Variants in SETD2 observed in about 807,000 individuals in gnomAD.
SETD2 encodes histone-lysine N-methyltransferase SETD2.
A neutral mutation model predicts 242.1 loss-of-function variants in SETD2; 31 were observed. The observed-to-expected ratio is 0.13, with a 90% CI of 0.10 to 0.17. The LOEUF is 0.17. Among genes scored for constraint, SETD2 ranks in the 10% least tolerant of loss-of-function variants. SETD2 has a pLI of 1.00. For synonymous variants in SETD2, 1,006 were observed against 1,066.5 expected, an observed-to-expected ratio of 0.94 and a Z score of 1.11; for missense variants, 2,481 against 3,046.3, an observed-to-expected ratio of 0.81 and a Z score of 4.37.
At chr3:47,027,499 C>T (rs140104856) in intron 18 of SETD2, among the ~76,000 whole-genome samples, 52,657 of 151,542 alleles carry the variant, frequency 0.35, 9,573 homozygotes, top group Middle Eastern at 0.48. Flanking sequence ...CAACATGGCA[C>T]GTGTATACAT....
intron 1 of SETD2, among the ~76,000 whole-genome samples, chr3:47,132,012 G>A (rs899684510): frequency 6.6e-6 from 1 of 151,602 alleles, no homozygotes. Flanking sequence ...TCCTGACCTC[G>A]TGATCTGCCC....
chr3:47,147,053 C>T (rs1344341158), intron 1 of SETD2, among the ~76,000 whole-genome samples: 1 of 152,150 alleles, frequency 6.6e-6, no homozygotes, highest in Non-Finnish European at 1.5e-5. Context: ...CTCTGTTGCC[C>T]AGGCTGAAGT....
At chr3:47,163,180 G>A (rs1697550737) in intron 1 of SETD2, among the ~76,000 whole-genome samples, 1 of 152,198 alleles carries the variant, frequency 6.6e-6, no homozygotes, top group African/African-American at 2.4e-5. Flanking sequence ...CTCAACAACG[G>A]GACCACACAA....
At chr3:47,133,594 G>A (rs746990520) in intron 1 of SETD2, among the ~76,000 whole-genome samples, 11 of 152,132 alleles carry the variant, frequency 7.2e-5, no homozygotes, top group South Asian at 2.1e-4. Context: ...TTAGCCAGGC[G>A]TGGTGGCACA....
In SETD2 at chr3:47,121,629, A is replaced by T. The variant is rs2106656157; in HGVS notation, c.3007T>A (p.Cys1003Ser). The T allele has an allele frequency of 6.2e-7, 1 of 1,614,130 alleles. No individual in the cohort carries two copies. Among genetic ancestry groups the T allele is most frequent in the Non-Finnish European group, 8.5e-7 (1 of 1,180,000 alleles). Residue 1003 changes from cysteine to serine, a missense_variant, in exon 3 of 21, where the codon TGT (cysteine) becomes AGT (serine). Around this residue, in one of 17 missense-constraint regions of SETD2, gnomAD observed 1,300 missense variants for 1,259.2 expected, o/e 1.03. Coordinates refer to ENST00000409792, the MANE Select transcript of SETD2 (RefSeq NM_014159.7). ...TCTTCCATGGTTAAATTCAAATCAC[A>T]AGAAGAAAATACAACTTCTGAGTCA... ...SDDSEVVFSS[C>S]DLNLTMEDSD... is the part of the protein sequence containing the mutation.
At position 47,123,050 on chromosome 3, in the gene SETD2, C is replaced by G; in HGVS notation, c.1586G>C (p.Arg529Thr). 1.9e-6 allele frequency: 3 copies of G among 1,614,022 alleles called. No homozygotes were observed. Among genetic ancestry groups the G allele is most frequent in the Non-Finnish European group, 2.5e-6 (3 of 1,179,978 alleles). The part of the protein sequence containing the change: ...KRTSENEAIK[R>T]CCSPPNELGF... The stretch of plus-strand genomic sequence containing the variant: ...CAGTTCATTAGGGGGAGAACAACAT[C>G]TTTTAATTGCTTCATTTTCTGAAGT... Residue 529 changes from arginine (R) to threonine (T), a missense_variant, in exon 3 of 21, where the codon AGA (arginine) becomes ACA (threonine). Physicochemically the swap from Arg to Thr is moderately conservative, Grantham distance 71 (BLOSUM62 -1). Around this residue, in one of 17 missense-constraint regions of SETD2, gnomAD observed 1,300 missense variants for 1,259.2 expected, o/e 1.03. Transcript: ENST00000409792.
chr3:47,071,523 C>T (rs772818514), intron 12 of SETD2, among the ~76,000 whole-genome samples: 1 of 152,122 alleles, frequency 6.6e-6, no homozygotes, highest in Non-Finnish European at 1.5e-5. Flanking sequence ...AAGGCCTCAC[C>T]TACAGCCCAA....
intron 9 of SETD2, among the ~76,000 whole-genome samples, chr3:47,092,995 A>G (rs1241673419): frequency 6.6e-6 from 1 of 152,080 alleles, no homozygotes; most frequent in Non-Finnish European, 1.5e-5. Context: ...CCTAAATATT[A>G]ATTTTTTTTA....
In SETD2 at chr3:47,122,630, A is replaced by G. The variant is rs1008589604; in HGVS notation, c.2006T>C (p.Ile669Thr). 2 of 1,613,832 alleles carry G rather than the reference A, an allele frequency of 1.2e-6. No homozygotes were observed. Among genetic ancestry groups the G allele is most frequent in the Non-Finnish European group, 1.7e-6 (2 of 1,179,776 alleles). Reference sequence around the variant, plus strand: ...AGGAGATCCATTTATATTTAATTCTATGGGACAAAAACTTCTTAATTGATC... The same window carrying G: ...AGGAGATCCATTTATATTTAATTCTGTGGGACAAAAACTTCTTAATTGATC... ...KNDQLRSFCP[I>T]ELNINGSPGA... The change falls in exon 3 of 21, where the codon ATA (isoleucine) becomes ACA (threonine). Residue 669 changes from isoleucine (I) to threonine (T), a missense_variant. Coordinates refer to ENST00000409792, the MANE Select transcript of SETD2 (RefSeq NM_014159.7).
chr3:47,120,436 A>G lies in SETD2; in HGVS notation c.4200T>C (p.Asp1400=), dbSNP rs1442033870. The change falls in exon 3 of 21, where the codon GAT becomes GAC. Residue 1400 remains aspartate, a synonymous_variant. Coordinates refer to ENST00000409792, the MANE Select transcript of SETD2 (RefSeq NM_014159.7). ...GCCTCCTTTTTTTAAGAGGCCCTCTATCTTTGATATCATTTTTTTCTAAGT... is the reference window on the plus strand; with the variant it reads ...GCCTCCTTTTTTTAAGAGGCCCTCTGTCTTTGATATCATTTTTTTCTAAGT... ...SKNLEKNDIK[D]RGPLKKRRQE... 3 of 1,613,022 alleles carry G rather than the reference A, an allele frequency of 1.9e-6. No homozygotes were observed. Among genetic ancestry groups the G allele is most frequent in the Middle Eastern group, 1.7e-4 (1 of 6,056 alleles).
intron 18 of SETD2, among the ~76,000 whole-genome samples, chr3:47,036,453 G>C (rs1439276625): frequency 6.6e-6 from 1 of 152,016 alleles, no homozygotes; most frequent in Non-Finnish European, 1.5e-5. Context: ...TACTTGGGTG[G>C]TTGAGACATG....
chr3:47,163,556 G>T (rs1697568860), intron 1 of SETD2: 1 of 165,536 alleles, frequency 6.0e-6, no homozygotes, highest in Non-Finnish European at 1.3e-5. Flanking sequence ...TGGCCGGGTC[G>T]GTGCGGACAC....
chr3:47,101,009 C>CAAAAAAAA (rs1164475680), intron 8 of SETD2, among the ~76,000 whole-genome samples: 2 of 23,092 alleles, frequency 8.7e-5, no homozygotes, highest in Non-Finnish European at 1.7e-4. Flanking sequence ...GAGTCCATCT[C>CAAAAAAAA]AAAAAAAAAA....
At chr3:47,143,119 C>T (rs2043771924) in intron 1 of SETD2, among the ~76,000 whole-genome samples, 1 of 152,028 alleles carries the variant, frequency 6.6e-6, no homozygotes, top group African/African-American at 2.4e-5. Context: ...ATAGTGAGAG[C>T]CCATTTCTAC....
rs762902757 is a variant in SETD2, at chr3:47,123,197, TAAG to T, written c.1436_1438del (p.Ser479del). 3.1e-6 allele frequency: 5 copies of T among 1,589,756 alleles called. No homozygotes were observed. In the South Asian group the frequency reaches 5.6e-5, roughly 18 times the overall value. Reference sequence around the variant, plus strand: ...ATAGGATGATGTCCTTAGGTCTCTGTAAGAAGAGGAATGAGATGAGGTACGCCT... The same window carrying T: ...ATAGGATGATGTCCTTAGGTCTCTGTAAGAGGAATGAGATGAGGTACGCCT... On this transcript the variant is annotated inframe_deletion, in exon 3 of 21. Coordinates refer to ENST00000409792, the MANE Select transcript of SETD2 (RefSeq NM_014159.7).
chr3:47,150,027 A>ATTTTTT (rs1559767452), intron 1 of SETD2, among the ~76,000 whole-genome samples: 2 of 68,936 alleles, frequency 2.9e-5, no homozygotes, highest in Non-Finnish European at 2.8e-5. Context: ...ATCCAAAAAT[A>ATTTTTT]CTTTTTTTTT....
chr3:47,064,453 C>T (rs1265830339), intron 13 of SETD2: 8 of 183,196 alleles, frequency 4.4e-5, no homozygotes, highest in Non-Finnish European at 8.3e-5. Flanking sequence ...CCACGTCTAT[C>T]TTGCTTCCTC....
chr3:47,088,807 C>T (rs1326753491), intron 9 of SETD2, among the ~76,000 whole-genome samples: 1 of 151,978 alleles, frequency 6.6e-6, no homozygotes, highest in Non-Finnish European at 1.5e-5. Flanking sequence ...TAGTTGTATC[C>T]CCATGCACAG....
intron 15 of SETD2, among the ~76,000 whole-genome samples, chr3:47,053,107 C>T (rs2039919795): frequency 6.6e-6 from 1 of 151,946 alleles, no homozygotes; most frequent in African/African-American, 2.4e-5. Context: ...AGACTGGTCT[C>T]GAACTCCTGA....
Sources: gnomAD v4.1 joint callset for allele counts (sites outside exome capture counted in the v4.1 genomes callset) on GRCh38, gnomAD v4.1.1 for gene constraint, gnomAD v4.1.1 regional missense constraint, MANE v1.5 for transcripts, NCBI Gene and HGNC (gene_info 2026-07-23, HGNC 2026-07-21) for gene names.